SRSF9: variants seen among roughly 807,000 people sequenced by gnomAD.
SRSF9 encodes the protein serine/arginine-rich splicing factor 9.
Under a neutral mutation model 25.9 loss-of-function variants are expected in SRSF9, and 3 were observed. The observed-to-expected ratio is 0.12, with a 90% CI of 0.05 to 0.30. The LOEUF (loss-of-function observed/expected upper bound fraction) is 0.30, where lower values mean the gene tolerates loss of function less well. Among genes scored for constraint, SRSF9 ranks in the 10% least tolerant of loss-of-function variants. The probability of loss-of-function intolerance (pLI) is 1.00; values close to 1 mark genes in which losing one functional copy is unlikely to be tolerated. For synonymous variants in SRSF9, 114 were observed against 113.2 expected, an observed-to-expected ratio of 1.01 and a Z score of -0.05; for missense variants, 161 against 303.5, an observed-to-expected ratio of 0.53 and a Z score of 3.49.
At chr12:120,465,921 C>T in intron 1 of SRSF9, 134 bp from the exon 2 acceptor site, 1 of 852,292 alleles carries the variant, frequency 1.2e-6, no homozygotes, top group Non-Finnish European at 1.7e-6. Context: ...ACACACAAAT[C>T]AGGATCCTGA....
At chr12:120,467,509 C>T (rs1433811850) in intron 1 of SRSF9, among the ~76,000 whole-genome samples, 1 of 152,006 alleles carries the variant, frequency 6.6e-6, no homozygotes, top group African/African-American at 2.4e-5. Flanking sequence ...TCAATAAATA[C>T]AATAAATAAA....
intron 3 of SRSF9, 199 bp downstream of exon 3, chr12:120,463,751 G>GT: frequency 1.8e-6 from 1 of 544,104 alleles, no homozygotes; most frequent in South Asian, 3.4e-5. Flanking sequence ...AAAAACAAAC[G>GT]TACCATGAAT....
chr12:120,469,652 C>CGCCGCCGCCTCAGCACGGGT lies in SRSF9; in HGVS notation c.-63_-44dup. On this transcript the variant is annotated 5_prime_UTR_variant, in exon 1 of 4. Coordinates refer to ENST00000229390, the MANE Select transcript of SRSF9 (RefSeq NM_003769.3). ...GCGGGCCCGCCGCAGCCCACGTCGC[C>CGCCGCCGCCTCAGCACGGGT]GCCGCCGCCTCAGCACGGGTCCCCC... 3 of 1,223,124 alleles carry CGCCGCCGCCTCAGCACGGGT rather than the reference C, an allele frequency of 2.5e-6. No homozygotes were observed. The highest frequency in any genetic ancestry group is 3.1e-6 in the Non-Finnish European group (3 of 974,752). 75.8% of individuals were successfully genotyped at this position (1,223,124 alleles called of 1,614,324 possible). A position where few individuals can be genotyped will look rare whatever the true frequency, so the allele number is the denominator to read the frequency against.
In SRSF9 at chr12:120,469,715, C is replaced by T; in HGVS notation, c.-106G>A. On this transcript the variant is annotated 5_prime_UTR_variant, in exon 1 of 4. The change creates a new upstream start codon in the 5' untranslated region. Transcript: ENST00000229390. Reference sequence around the variant, plus strand: ...GCGGGCTCCGAGGCGCTCAGCCGCACTGCATTGTGGGAACGCGGAGCGGAA... The same window carrying T: ...GCGGGCTCCGAGGCGCTCAGCCGCATTGCATTGTGGGAACGCGGAGCGGAA... 1 of 662,704 alleles carries T rather than the reference C, an allele frequency of 1.5e-6. No homozygotes were observed. The highest frequency in any genetic ancestry group is 2.0e-6 in the Non-Finnish European group (1 of 489,322). 41.1% of individuals were successfully genotyped at this position (662,704 alleles called of 1,614,324 possible).
At chr12:120,466,774 G>A (rs991805376) in intron 1 of SRSF9, among the ~76,000 whole-genome samples, 7 of 152,118 alleles carry the variant, frequency 4.6e-5, no homozygotes, top group African/African-American at 1.7e-4. Context: ...GGGCTCAGGC[G>A]ATCCTTCCCC....
intron 1 of SRSF9, among the ~76,000 whole-genome samples, chr12:120,466,391 G>A (rs1041785824): frequency 6.6e-5 from 10 of 152,198 alleles, no homozygotes; most frequent in African/African-American, 2.2e-4. Context: ...GAGAGTATTT[G>A]AGGGTAAATA....
intron 2 of SRSF9, chr12:120,464,927 A>G (rs1346684197): frequency 6.6e-6 from 1 of 152,208 alleles, no homozygotes; most frequent in Non-Finnish European, 1.5e-5. Context: ...GGGACACAAG[A>G]TAGGCAGATA....
chr12:120,462,416 CAT>C (rs1878371917), intron 3 of SRSF9: 1 of 354,168 alleles, frequency 2.8e-6, no homozygotes, highest in East Asian at 5.0e-5. Context: ...GCCAATTTGA[CAT>C]GTTGATACTC....
At chr12:120,467,097 T>C (rs1878498395) in intron 1 of SRSF9, among the ~76,000 whole-genome samples, 1 of 152,198 alleles carries the variant, frequency 6.6e-6, no homozygotes, top group African/African-American at 2.4e-5. Flanking sequence ...CATAATCACT[T>C]GTAAGATTTT....
Position 120,461,807 on chromosome 12 carries a change from T to C in SRSF9, c.*212A>G, listed in dbSNP as rs1878348129. ...TAATCAGGGGTGAAAAATATACAACTTGTTTCTGAACCAAAACCACAATTT... is the reference window on the plus strand; with the variant it reads ...TAATCAGGGGTGAAAAATATACAACCTGTTTCTGAACCAAAACCACAATTT... On this transcript the variant is annotated 3_prime_UTR_variant, in exon 4 of 4. Coordinates refer to ENST00000229390, the MANE Select transcript of SRSF9 (RefSeq NM_003769.3). The C allele has an allele frequency of 2.2e-6, 1 of 460,174 alleles. No individual in the cohort carries two copies. Among genetic ancestry groups the C allele is most frequent in the African/African-American group, 2.0e-5 (1 of 49,254 alleles). The allele number at this position is 460,174 out of a possible 1,614,324, so 28.5% of individuals were successfully genotyped here. A position where few individuals can be genotyped will look rare whatever the true frequency, so the allele number is the denominator to read the frequency against.
chr12:120,465,918 A>G (rs1445218633), intron 1 of SRSF9, 131 bp from the exon 2 acceptor site: 3 of 865,614 alleles, frequency 3.5e-6, no homozygotes, highest in East Asian at 6.2e-5. Flanking sequence ...AAAACACACA[A>G]ATCAGGATCC....
Position 120,462,217 on chromosome 12 carries a change from G to A in SRSF9, c.523-55C>T, listed in dbSNP as rs918712538. On this transcript the variant is annotated intron_variant, in intron 3 of 3. Transcript: ENST00000229390. Reference sequence around the variant, plus strand: ...AAGGGGAAAAAAATCAGAGCCAGAAGAATAAGCAAACCAACATCTAACAAT... The same window carrying A: ...AAGGGGAAAAAAATCAGAGCCAGAAAAATAAGCAAACCAACATCTAACAAT... 3.9e-6 allele frequency: 6 copies of A among 1,543,416 alleles called. No homozygotes were observed. The African/African-American group carries it at 8.2e-5, about 21-fold the overall frequency.
At position 120,469,622 on chromosome 12, in the gene SRSF9, A is replaced by ACGCCGCGGGCC; in HGVS notation, c.-24_-14dup. 1.4e-6 allele frequency: 2 copies of ACGCCGCGGGCC among 1,394,718 alleles called. No homozygotes were observed. The highest frequency in any genetic ancestry group is 3.2e-5 in the South Asian group (2 of 63,010). The allele number at this position is 1,394,718 out of a possible 1,614,324, so 86.4% of individuals were successfully genotyped here. ...CCCAGCCCGACATCCGCACCGCCCG[A>ACGCCGCGGGCC]CGCCGCGGGCCCGCCGCAGCCCACG... On this transcript the variant is annotated 5_prime_UTR_variant, in exon 1 of 4. Coordinates refer to ENST00000229390, the MANE Select transcript of SRSF9 (RefSeq NM_003769.3).
At position 120,469,592 on chromosome 12, in the gene SRSF9, G is replaced by C. The variant is rs936740323; in HGVS notation, c.18C>G (p.Asp6Glu). 4.6e-6 allele frequency: 7 copies of C among 1,524,354 alleles called. No homozygotes were observed. Among genetic ancestry groups the C allele is most frequent in the Non-Finnish European group, 6.1e-6 (7 of 1,139,136 alleles). The allele number at this position is 1,524,354 out of a possible 1,614,324, so 94.4% of individuals were successfully genotyped here. ...GCCCGTCGCCCTCGCCGCCGCGCTC[G>C]TCCGCCCAGCCCGACATCCGCACCG... MSGWA[D>E]ERGGEGDGRI... The change falls in exon 1 of 4, where the codon GAC becomes GAG. Residue 6 changes from aspartate to glutamate, a missense_variant. Asp to Glu is a conservative substitution (Grantham distance 45). Transcript: ENST00000229390.
In SRSF9 at chr12:120,465,797, A is replaced by C. The variant is rs1358075683; in HGVS notation, c.189-10T>G. The C allele has an allele frequency of 1.3e-6, 2 of 1,566,410 alleles. No individual in the cohort carries two copies. Among genetic ancestry groups the C allele is most frequent in the Non-Finnish European group, 1.7e-6 (2 of 1,165,968 alleles). The stretch of plus-strand genomic sequence containing the variant: ...AGCATCCTCTGCATCTCTAAAAAAA[A>C]CAACAACAACAAAAAAAACGTTTGG... On this transcript the variant is annotated splice_polypyrimidine_tract_variant and intron_variant, in intron 1 of 3. Transcript: ENST00000229390.
At chr12:120,465,491 A>G (rs1466458495) in intron 2 of SRSF9, 136 bp downstream of exon 2, 11 of 951,278 alleles carry the variant, frequency 1.2e-5, no homozygotes, top group Non-Finnish European at 1.6e-5. Flanking sequence ...ATCCAGGGCA[A>G]GGCTTCACAC....
At position 120,469,629 on chromosome 12, in the gene SRSF9, G is replaced by C; in HGVS notation, c.-20C>G. On this transcript the variant is annotated 5_prime_UTR_variant, in exon 1 of 4. Coordinates refer to ENST00000229390, the MANE Select transcript of SRSF9 (RefSeq NM_003769.3). ...CGACATCCGCACCGCCCGACGCCGC[G>C]GGCCCGCCGCAGCCCACGTCGCCGC... 2.2e-6 allele frequency: 3 copies of C among 1,351,244 alleles called. No homozygotes were observed. Among genetic ancestry groups the C allele is most frequent in the Non-Finnish European group, 2.8e-6 (3 of 1,054,198 alleles). 83.7% of individuals were successfully genotyped at this position (1,351,244 alleles called of 1,614,324 possible).
intron 1 of SRSF9, among the ~76,000 whole-genome samples, chr12:120,467,454 C>G (rs191645028): frequency 1.7e-4 from 26 of 151,686 alleles, no homozygotes; most frequent in Non-Finnish European, 3.4e-4. Context: ...TGAGCTGAGA[C>G]TGTGCCGCTA....
chr12:120,462,004 T>A lies in SRSF9; in HGVS notation c.*15A>T, dbSNP rs755150306. ...GTTAACCTAAAAAATAAAGAAAAAA[T>A]TCCCATCACCTGTCTCAGTAGGGCC... On this transcript the variant is annotated 3_prime_UTR_variant, in exon 4 of 4. Coordinates refer to ENST00000229390, the MANE Select transcript of SRSF9 (RefSeq NM_003769.3). 1.1e-5 allele frequency: 18 copies of A among 1,586,946 alleles called. No homozygotes were observed. The highest frequency in any genetic ancestry group is 1.4e-5 in the Non-Finnish European group (16 of 1,167,844).
Sources: gnomAD v4.1 joint callset for allele counts (sites outside exome capture counted in the v4.1 genomes callset) on GRCh38, gnomAD v4.1.1 for gene constraint, MANE v1.5 for transcripts, NCBI Gene and HGNC (gene_info 2026-07-23, HGNC 2026-07-21) for gene names.